NUP98: variants seen among roughly 807,000 people sequenced by gnomAD.
NUP98 encodes nucleoporin 98 and 96 precursor.
In NUP98, 26 loss-of-function variants were observed where a neutral mutation model predicts 191.9. The ratio of observed to expected loss-of-function variants is 0.14; its 90% confidence interval spans 0.10 to 0.19. The LOEUF is 0.19. Ranked by LOEUF, NUP98 falls within the 10% of genes least tolerant of loss-of-function variation. The pLI is 1.00. For synonymous variants in NUP98, 808 were observed against 778.4 expected, an observed-to-expected ratio of 1.04 and a Z score of -0.63; for missense variants, 1,941 against 2,178.8, an observed-to-expected ratio of 0.89 and a Z score of 2.17.
intron 2 of NUP98, among the ~76,000 whole-genome samples, chr11:3,780,367 T>TA (rs1294589592): frequency 3.0e-5 from 4 of 131,594 alleles, no homozygotes; most frequent in East Asian, 4.3e-4. Context: ...TGTCTCCACT[T>TA]AAAATAAAAA....
chr11:3,721,306 T>C (rs2079392256), intron 16 of NUP98, among the ~76,000 whole-genome samples: 1 of 152,178 alleles, frequency 6.6e-6, no homozygotes, highest in Admixed American at 6.5e-5. Context: ...GAAGTAGATA[T>C]AAAACTCCAA....
chr11:3,786,769 A>C (rs1386668845), intron 1 of NUP98, among the ~76,000 whole-genome samples: 2 of 152,346 alleles, frequency 1.3e-5, no homozygotes, highest in South Asian at 2.1e-4. Flanking sequence ...TACCCAGAAA[A>C]GTAGTGGATA....
At chr11:3,711,848 ATTAT>A in intron 20 of NUP98, 2 of 1,033,164 alleles carry the variant, frequency 1.9e-6, no homozygotes, top group Non-Finnish European at 1.2e-6. Context: ...CTCCTAAGAG[ATTAT>A]TTAATAAATC....
At chr11:3,692,408 A>G (rs1179588585) in intron 27 of NUP98, among the ~76,000 whole-genome samples, 1 of 151,908 alleles carries the variant, frequency 6.6e-6, no homozygotes, top group Non-Finnish European at 1.5e-5. Context: ...CAGGCAGATC[A>G]TGAGGTCAGG....
intron 19 of NUP98, among the ~76,000 whole-genome samples, 199 bp downstream of exon 19, chr11:3,713,619 G>A (rs982505617): frequency 2.0e-5 from 3 of 152,076 alleles, no homozygotes; most frequent in South Asian, 2.1e-4. Context: ...CTTGGGAGGC[G>A]GAGGCAGAAG....
At chr11:3,721,404 G>A (rs561600895) in intron 16 of NUP98, among the ~76,000 whole-genome samples, 1 of 152,224 alleles carries the variant, frequency 6.6e-6, no homozygotes, top group East Asian at 1.9e-4. Context: ...CTAAAAGAAA[G>A]ATGAAAAATC....
intron 31 of NUP98, chr11:3,679,290 A>G: frequency 1.8e-6 from 1 of 541,780 alleles, no homozygotes; most frequent in South Asian, 1.8e-5. Context: ...CTAGGACTGA[A>G]CAAGGGGAAG....
chr11:3,747,245 A>C (rs2134399308), intron 11 of NUP98, among the ~76,000 whole-genome samples: 1 of 152,318 alleles, frequency 6.6e-6, no homozygotes, highest in South Asian at 2.1e-4. Context: ...TCCAAAGAAA[A>C]TCAAGAAAAA....
intron 12 of NUP98, among the ~76,000 whole-genome samples, chr11:3,740,809 A>AAT (rs1044566768): frequency 2.5e-4 from 38 of 149,720 alleles, no homozygotes; most frequent in African/African-American, 3.9e-4. Flanking sequence ...TTTAAATATA[A>AAT]ATATATATAT....
At chr11:3,797,292 G>A (rs1457837408) in intron 1 of NUP98, 108 bp downstream of exon 1, 8 of 397,924 alleles carry the variant, frequency 2.0e-5, no homozygotes, top group Non-Finnish European at 3.1e-5. Flanking sequence ...GCGCAGCGGC[G>A]CTAGACTTCG....
At chr11:3,702,301 ACACACACACACACTCTCTCTCTCTCT>A (rs1284705273) in intron 23 of NUP98, among the ~76,000 whole-genome samples, 136 bp downstream of exon 23, 1 of 58,258 alleles carries the variant, frequency 1.7e-5, no homozygotes. Context: ...ACACACACAC[ACACACACACACACTCTCTCTCTCTCT>A]CTCTCTCTCT....
Position 3,702,595 on chromosome 11 carries a change from C to T in NUP98, c.3380G>A (p.Arg1127His), listed in dbSNP as rs987383683. The T allele has an allele frequency of 3.1e-6, 5 of 1,613,942 alleles. No homozygotes were observed. Among genetic ancestry groups the T allele is most frequent in the Admixed American group, 1.7e-5 (1 of 59,990 alleles). ...DMALFMGRSFRVGWGPNWTLA... is the reference protein window; with the variant it reads ...DMALFMGRSFHVGWGPNWTLA... ...AGTCCAGTTGGGGCCCCAACCAACA[C>T]GAAATGAGCGTCCCATGAATAGGGC... The change falls in exon 23 of 33, where the codon CGT (arginine) becomes CAT (histidine). Residue 1127 changes from arginine to histidine, a missense_variant. By Grantham distance (29) the Arg-to-His change is conservative. Coordinates refer to ENST00000324932, the MANE Select transcript of NUP98 (RefSeq NM_016320.5).
chr11:3,762,137 T>C (rs1010185344), intron 9 of NUP98, among the ~76,000 whole-genome samples: 1 of 152,170 alleles, frequency 6.6e-6, no homozygotes, highest in Non-Finnish European at 1.5e-5. Flanking sequence ...AAGACAGAGT[T>C]TTGCTCTTGT....
At chr11:3,752,068 C>T (rs527775042) in intron 11 of NUP98, among the ~76,000 whole-genome samples, 78 of 148,462 alleles carry the variant, frequency 5.3e-4, no homozygotes, top group African/African-American at 1.7e-3. Context: ...CCCAGCTACT[C>T]GGGAAGTGGA....
At chr11:3,711,789 C>A in intron 20 of NUP98, 1 of 926,424 alleles carries the variant, frequency 1.1e-6, no homozygotes, top group Non-Finnish European at 1.3e-6. Context: ...CATACCCTCC[C>A]CTCCCCTGTA....
At chr11:3,737,266 T>C (rs1425993192) in intron 12 of NUP98, among the ~76,000 whole-genome samples, 4 of 151,042 alleles carry the variant, frequency 2.6e-5, no homozygotes, top group Non-Finnish European at 5.9e-5. Flanking sequence ...CATAAAACTT[T>C]CTGAAAAGTC....
chr11:3,738,409 G>A (rs2080153834), intron 12 of NUP98, among the ~76,000 whole-genome samples: 1 of 152,134 alleles, frequency 6.6e-6, no homozygotes, highest in South Asian at 2.1e-4. Flanking sequence ...ATAGGGAAAA[G>A]TACAAAAACC....
Position 3,675,576 on chromosome 11 carries a change from C to T in NUP98, c.*583G>A, listed in dbSNP as rs1039242478. On this transcript the variant is annotated 3_prime_UTR_variant, in exon 33 of 33. Transcript: ENST00000324932. Reference sequence around the variant, plus strand: ...AAACAGCCCTGAAGATCAATCCCTCCGTGACAGGCATTCACTTCTGCCCTA... The same window carrying T: ...AAACAGCCCTGAAGATCAATCCCTCTGTGACAGGCATTCACTTCTGCCCTA... 5.1e-5 allele frequency: 12 copies of T among 236,096 alleles called. No individual in the cohort carries two copies. The highest frequency in any genetic ancestry group is 1.5e-4 in the Admixed American group (3 of 19,624). The allele number at this position is 236,096 out of a possible 1,614,324, so 14.6% of individuals were successfully genotyped here. A position where few individuals can be genotyped will look rare whatever the true frequency, so the allele number is the denominator to read the frequency against.
chr11:3,765,130 T>C (rs555109469), intron 8 of NUP98, among the ~76,000 whole-genome samples: 2 of 152,340 alleles, frequency 1.3e-5, no homozygotes, highest in African/African-American at 4.8e-5. Flanking sequence ...TCAAGTATTT[T>C]CTTCCACTTA....
Sources: allele counts gnomAD v4.1 joint callset (sites outside exome capture counted in the v4.1 genomes callset), GRCh38; gene constraint gnomAD v4.1.1; transcripts MANE v1.5; gene names NCBI Gene and HGNC (gene_info 2026-07-23, HGNC 2026-07-21).